The following DAPK1 variants were observed in gnomAD, a reference collection of about 807,000 sequenced individuals.
DAPK1 encodes death-associated protein kinase 1.
In DAPK1, 56 loss-of-function variants were observed where a neutral mutation model predicts 144.9. The observed-to-expected ratio is 0.39, with a 90% CI of 0.31 to 0.48. The LOEUF (loss-of-function observed/expected upper bound fraction) is 0.48, where lower values mean the gene tolerates loss of function less well. DAPK1 is among the 20% of genes least tolerant of loss of function. The pLI is 0.95. For missense variants in DAPK1, 1,454 were observed against 1,875.4 expected (o/e 0.78, Z 4.15); for synonymous variants, 690 against 749.0 (o/e 0.92, Z 1.29).
At position 87,541,258 on chromosome 9, in the gene DAPK1, T is replaced by C. The variant is rs538378774; in HGVS notation, c.62+42119T>C. Among the ~76,000 whole-genome samples, 9 of 152,122 alleles carry C rather than the reference T, an allele frequency of 5.9e-5. No homozygotes were observed. The South Asian group carries it at 1.9e-3, about 32-fold the overall frequency. ...GTTCTTCTGTCAGCACTTTAAAGAATGATGGAGGGCCTGGCATGGCGGCTC... is the reference window on the plus strand; with the variant it reads ...GTTCTTCTGTCAGCACTTTAAAGAACGATGGAGGGCCTGGCATGGCGGCTC... On this transcript the variant is annotated intron_variant, in intron 2 of 25. Transcript: ENST00000408954.
chr9:87,623,923 C>A (rs1252743739), intron 3 of DAPK1, among the ~76,000 whole-genome samples: 1 of 152,098 alleles, frequency 6.6e-6, no homozygotes, highest in African/African-American at 2.4e-5. Flanking sequence ...TTTATTTTTT[C>A]TGAATACTGA....
chr9:87,632,184 A>G, intron 3 of DAPK1: 2 of 911,586 alleles, frequency 2.2e-6, no homozygotes, highest in Non-Finnish European at 2.6e-6. Context: ...GTATGAGTAT[A>G]TATGTAGAAT....
chr9:87,683,424 A>G (rs1048494724), intron 20 of DAPK1, among the ~76,000 whole-genome samples: 1 of 152,276 alleles, frequency 6.6e-6, no homozygotes, highest in South Asian at 2.1e-4. Context: ...AGTGGGGTTC[A>G]GTTGCTCCCT....
In DAPK1 at chr9:87,668,638, C is replaced by G; in HGVS notation, c.1965C>G (p.His655Gln). The stretch of plus-strand genomic sequence containing the variant: ...AAGATCTTGCTAGATCGGAACAGCA[C>G]GAGCACGTAGCAGGTCTCCTTGCAA... ...TAEDLARSEQ[H>Q]EHVAGLLARL... The change falls in exon 19 of 26, where the codon CAC (histidine) becomes CAG (glutamine). Residue 655 changes from histidine (H) to glutamine (Q), a missense_variant. His to Gln is a conservative substitution (Grantham distance 24). Around this residue, in one of 2 missense-constraint regions of DAPK1, gnomAD observed 1,025 missense variants for 1,237.9 expected, o/e 0.83. Coordinates refer to ENST00000408954, the MANE Select transcript of DAPK1 (RefSeq NM_004938.4). The G allele has an allele frequency of 1.4e-6, 2 of 1,478,186 alleles. 1 individual carries two copies. The allele number at this position is 1,478,186 out of a possible 1,614,324, so 91.6% of individuals were successfully genotyped here.
chr9:87,678,406 C>T (rs567585932), intron 19 of DAPK1, among the ~76,000 whole-genome samples: 68 of 152,344 alleles, frequency 4.5e-4, no homozygotes, highest in African/African-American at 1.3e-3. Flanking sequence ...CCTGCACTCA[C>T]GCACAGGATC....
intron 11 of DAPK1, among the ~76,000 whole-genome samples, chr9:87,644,662 T>A (rs956000858): frequency 6.6e-6 from 1 of 152,142 alleles, no homozygotes; most frequent in Non-Finnish European, 1.5e-5. Flanking sequence ...TGACTCTAGG[T>A]AAGATAATGA....
intron 3 of DAPK1, among the ~76,000 whole-genome samples, chr9:87,625,554 G>A (rs967913639): frequency 2.0e-5 from 3 of 152,188 alleles, no homozygotes; most frequent in Admixed American, 6.5e-5. Context: ...CGCTGCCCTC[G>A]AGTAGCTCCC....
chr9:87,542,643 C>T (rs1040794509), intron 2 of DAPK1, among the ~76,000 whole-genome samples: 1 of 152,208 alleles, frequency 6.6e-6, no homozygotes, highest in African/African-American at 2.4e-5. Context: ...TCACCAAACC[C>T]TCTGAGGTAG....
intron 21 of DAPK1, among the ~76,000 whole-genome samples, chr9:87,687,230 C>T (rs1421279530): frequency 3.3e-5 from 5 of 152,124 alleles, no homozygotes; most frequent in African/African-American, 9.7e-5. Flanking sequence ...TGTATTTCTT[C>T]TATCTAACTG....
intron 9 of DAPK1, 87 bp downstream of exon 9, chr9:87,640,934 T>C: frequency 7.9e-7 from 1 of 1,258,284 alleles, no homozygotes; most frequent in Non-Finnish European, 1.2e-6. Flanking sequence ...AGAGTACTGC[T>C]AACCACAGGT....
chr9:87,582,939 C>CAGCAGT (rs1564007087), intron 2 of DAPK1, among the ~76,000 whole-genome samples: 1 of 152,030 alleles, frequency 6.6e-6, no homozygotes, highest in Non-Finnish European at 1.5e-5. Context: ...GCAGCAGCAG[C>CAGCAGT]AGCAGTAGCT....
At chr9:87,601,659 G>C (rs530170322) in intron 2 of DAPK1, among the ~76,000 whole-genome samples, 1 of 152,210 alleles carries the variant, frequency 6.6e-6, no homozygotes, top group African/African-American at 2.4e-5. Context: ...ATAGCTAACA[G>C]TTACTGAAGA....
chr9:87,595,595 G>T (rs984903668), intron 2 of DAPK1, among the ~76,000 whole-genome samples: 8 of 152,212 alleles, frequency 5.3e-5, no homozygotes, highest in African/African-American at 1.9e-4. Flanking sequence ...GTCCCCACGT[G>T]CAATACCAAA....
chr9:87,580,187 T>A (rs1827702017), intron 2 of DAPK1, among the ~76,000 whole-genome samples: 1 of 152,222 alleles, frequency 6.6e-6, no homozygotes. Flanking sequence ...GTCAGAGAAC[T>A]TCACGGTCAT....
intron 9 of DAPK1, 52 bp from the exon 10 acceptor site, chr9:87,641,917 A>G (rs969722015): frequency 6.9e-7 from 1 of 1,456,626 alleles, no homozygotes; most frequent in Admixed American, 1.8e-5. Flanking sequence ...GTCATATAAC[A>G]CATTTTCATA....
chr9:87,633,171 G>A (rs1281987526), intron 3 of DAPK1: 3 of 980,614 alleles, frequency 3.1e-6, no homozygotes, highest in Non-Finnish European at 3.6e-6. Context: ...ATATATGTAG[G>A]GATGAAGGGT....
chr9:87,640,406 C>G lies in DAPK1; in HGVS notation c.738C>G (p.Ala246=), dbSNP rs767114002. The stretch of plus-strand genomic sequence containing the variant: ...ATGAATACTTCAGTAATACCAGTGC[C>G]CTAGCCAAAGATTTCATAAGAAGAC... ...FEDEYFSNTS[A]LAKDFIRRLL... The change falls in exon 8 of 26, where the codon GCC becomes GCG. Residue 246 remains alanine (A), a synonymous_variant. Coordinates refer to ENST00000408954, the MANE Select transcript of DAPK1 (RefSeq NM_004938.4). 3 of 1,614,166 alleles carry G rather than the reference C, an allele frequency of 1.9e-6. No individual in the cohort carries two copies. In the South Asian group the frequency reaches 3.3e-5, roughly 18 times the overall value.
chr9:87,645,825 T>C, intron 11 of DAPK1, 70 bp from the exon 12 acceptor site: 1 of 1,576,810 alleles, frequency 6.3e-7, no homozygotes, highest in Non-Finnish European at 8.6e-7. Flanking sequence ...AGCACAGGTT[T>C]CTTTTATGTT....
At chr9:87,668,262 G>A (rs755752486) in intron 18 of DAPK1, among the ~76,000 whole-genome samples, 18 of 152,218 alleles carry the variant, frequency 1.2e-4, no homozygotes, top group Non-Finnish European at 2.2e-4. Flanking sequence ...CTGCCTGATT[G>A]GAGATTGGAG....
Sources: gnomAD v4.1 joint callset for allele counts (sites outside exome capture counted in the v4.1 genomes callset) on GRCh38, gnomAD v4.1.1 for gene constraint, gnomAD v4.1.1 regional missense constraint, MANE v1.5 for transcripts, NCBI Gene and HGNC (gene_info 2026-07-23, HGNC 2026-07-21) for gene names.